HIPK2: variants seen among roughly 807,000 people sequenced by gnomAD.
HIPK2 encodes the protein homeodomain interacting protein kinase 2.
Under a neutral mutation model 113.7 loss-of-function variants are expected in HIPK2, and 27 were observed. That is an observed-to-expected ratio of 0.24 (90% CI 0.17 to 0.33). The LOEUF (loss-of-function observed/expected upper bound fraction) is 0.33, where lower values mean the gene tolerates loss of function less well. Among genes scored for constraint, HIPK2 ranks in the 10% least tolerant of loss-of-function variants. HIPK2 has a pLI of 1.00. For synonymous variants in HIPK2, 631 were observed against 642.2 expected, an observed-to-expected ratio of 0.98 and a Z score of 0.26; for missense variants, 1,257 against 1,588.0, an observed-to-expected ratio of 0.79 and a Z score of 3.54.
intron 2 of HIPK2, among the ~76,000 whole-genome samples, chr7:139,638,908 C>T (rs554283703): frequency 2.0e-5 from 3 of 152,306 alleles, no homozygotes; most frequent in Admixed American, 6.5e-5. Flanking sequence ...CCGCCCGCCT[C>T]GGCCTCCCAA....
At chr7:139,684,982 A>G (rs1794173506) in intron 2 of HIPK2, among the ~76,000 whole-genome samples, 1 of 152,154 alleles carries the variant, frequency 6.6e-6, no homozygotes, top group Non-Finnish European at 1.5e-5. Context: ...GTGGAAGCTA[A>G]GAGAGGTGAG....
intron 1 of HIPK2, among the ~76,000 whole-genome samples, chr7:139,740,384 T>C (rs772961339): frequency 4.1e-4 from 63 of 152,220 alleles, no homozygotes; most frequent in Non-Finnish European, 6.2e-4. Flanking sequence ...GCACAATGCA[T>C]GCTTGCTTGC....
intron 2 of HIPK2, among the ~76,000 whole-genome samples, chr7:139,675,260 A>AATATT (rs1802458812): frequency 6.7e-6 from 1 of 150,348 alleles, no homozygotes; most frequent in South Asian, 2.1e-4. Context: ...TTATGTTAAA[A>AATATT]ATATTATGCT....
intron 1 of HIPK2, among the ~76,000 whole-genome samples, chr7:139,747,083 C>T (rs180931981): frequency 6.6e-6 from 1 of 152,254 alleles, no homozygotes; most frequent in East Asian, 1.9e-4. Context: ...GTCACAGGGA[C>T]CCCTTTTCGG....
chr7:139,768,535 TTTG>T (rs1039638902), intron 1 of HIPK2, among the ~76,000 whole-genome samples: 59 of 152,204 alleles, frequency 3.9e-4, no homozygotes, highest in African/African-American at 1.4e-3. Context: ...TCCTGTGATT[TTTG>T]TTGTTGTTGT....
intron 2 of HIPK2, among the ~76,000 whole-genome samples, chr7:139,688,732 T>C (rs1794304802): frequency 1.3e-5 from 2 of 152,086 alleles, no homozygotes; most frequent in Non-Finnish European, 2.9e-5. Flanking sequence ...TGAGTTCCCA[T>C]GTAAAATCAC....
intron 1 of HIPK2, among the ~76,000 whole-genome samples, chr7:139,750,352 A>C (rs1796259489): frequency 6.6e-6 from 1 of 152,240 alleles, no homozygotes; most frequent in African/African-American, 2.4e-5. Context: ...CGATTCCTAA[A>C]GCCTCAATTG....
chr7:139,622,576 A>T (rs1450772811), intron 6 of HIPK2, among the ~76,000 whole-genome samples: 1 of 152,188 alleles, frequency 6.6e-6, no homozygotes, highest in Admixed American at 6.5e-5. Context: ...TTGGTTTTTT[A>T]AAAATTGTGC....
chr7:139,655,589 CCTT>C (rs1477405767), intron 2 of HIPK2, among the ~76,000 whole-genome samples: 5 of 152,208 alleles, frequency 3.3e-5, no homozygotes, highest in Non-Finnish European at 7.3e-5. Context: ...CCCTTTCTCT[CCTT>C]CTTCCTTTAA....
At chr7:139,768,688 C>G (rs1796593433) in intron 1 of HIPK2, among the ~76,000 whole-genome samples, 1 of 152,174 alleles carries the variant, frequency 6.6e-6, no homozygotes, top group African/African-American at 2.4e-5. Flanking sequence ...CTGTGGGCTG[C>G]AAGGGGACCA....
At chr7:139,752,710 C>T (rs954721612) in intron 1 of HIPK2, among the ~76,000 whole-genome samples, 3 of 147,222 alleles carry the variant, frequency 2.0e-5, no homozygotes, top group Non-Finnish European at 4.5e-5. Flanking sequence ...GCTGGCACTG[C>T]TTTTTTCACA....
intron 2 of HIPK2, among the ~76,000 whole-genome samples, chr7:139,706,998 G>C (rs1403684374): frequency 1.3e-5 from 2 of 152,188 alleles, no homozygotes; most frequent in Non-Finnish European, 2.9e-5. Flanking sequence ...CCCAAGCAAA[G>C]CCACAGGGGA....
chr7:139,690,101 C>G (rs1359198936), intron 2 of HIPK2, among the ~76,000 whole-genome samples: 1 of 151,946 alleles, frequency 6.6e-6, no homozygotes, highest in African/African-American at 2.4e-5. Flanking sequence ...GCTGACACAG[C>G]AGGTTTAAAG....
rs114142934 is a variant in HIPK2 at position 139,664,158 on chromosome 7, C to T, written c.1104-32433G>A. On this transcript the variant is annotated intron_variant, in intron 2 of 14. Transcript: ENST00000406875. ...CAAGCAAGCAAACCAACCAACCAAC[C>T]AACCAAATATCTCATGTTAATCTCA... Among the ~76,000 whole-genome samples the T allele has an allele frequency of 4.2e-3, 634 of 152,338 alleles. 4 individuals are homozygous for T. The highest frequency in any genetic ancestry group is 0.015 in the African/African-American group (626 of 41,564).
intron 10 of HIPK2, among the ~76,000 whole-genome samples, chr7:139,601,615 A>G (rs1799427746): frequency 6.6e-6 from 1 of 152,206 alleles, no homozygotes; most frequent in South Asian, 2.1e-4. Context: ...AATAACAGTC[A>G]TGATAGAAAT....
intron 2 of HIPK2, among the ~76,000 whole-genome samples, chr7:139,688,261 C>T (rs759699599): frequency 6.6e-6 from 1 of 152,218 alleles, no homozygotes; most frequent in Non-Finnish European, 1.5e-5. Context: ...TCATCGAGAT[C>T]AAGAGGCACT....
chr7:139,583,996 G>T lies in HIPK2; in HGVS notation c.2786C>A (p.Ser929Tyr), dbSNP rs758295040. Residue 929 changes from serine (S) to tyrosine (Y), a missense_variant, in exon 13 of 15, where the codon TCC becomes TAC. By Grantham distance (144) the Ser-to-Tyr change is moderately radical. Around this residue, in one of 5 missense-constraint regions of HIPK2, gnomAD observed 862 missense variants for 1,004.3 expected, o/e 0.86. Transcript: ENST00000406875. The stretch of plus-strand genomic sequence containing the variant: ...GGAGTAGGGGCTGGTGTTGCTGGAG[G>T]AGTCGGAGTAGGGGGAGTCGTGGAC... ...VTVHDSPYSD[S>Y]SSNTSPYSVQ... 1 of 1,613,752 alleles carries T rather than the reference G, an allele frequency of 6.2e-7. No individual in the cohort carries two copies. Among genetic ancestry groups the T allele is most frequent in the African/African-American group, 1.3e-5 (1 of 74,946 alleles).
At chr7:139,776,726 C>T (rs1175626833) in intron 1 of HIPK2, among the ~76,000 whole-genome samples, 2 of 152,204 alleles carry the variant, frequency 1.3e-5, no homozygotes, top group Non-Finnish European at 2.9e-5. Flanking sequence ...TTTAAAATTT[C>T]TCCTACTACA....
chr7:139,652,541 T>C lies in HIPK2; in HGVS notation c.1104-20816A>G, dbSNP rs967151692. On this transcript the variant is annotated intron_variant, in intron 2 of 14. Coordinates refer to ENST00000406875, the MANE Select transcript of HIPK2 (RefSeq NM_022740.5). ...AAGGAATACAGACAGAAATCATGAA[T>C]GTCAGATGCCAGCTACGTTTAGAGG... Among the ~76,000 whole-genome samples, 6 of 152,352 alleles carry C rather than the reference T, an allele frequency of 3.9e-5. No homozygotes were observed. In the East Asian group the frequency reaches 9.7e-4, roughly 25 times the overall value.
Sources: allele counts gnomAD v4.1 joint callset (sites outside exome capture counted in the v4.1 genomes callset), GRCh38; gene constraint gnomAD v4.1.1; regional missense constraint gnomAD v4.1.1; transcripts MANE v1.5; gene names NCBI Gene and HGNC (gene_info 2026-07-23, HGNC 2026-07-21).